CYFIP2: variants seen among roughly 807,000 people sequenced by gnomAD.
CYFIP2 encodes the protein cytoplasmic FMR1 interacting protein 2.
Under a neutral mutation model 158.7 loss-of-function variants are expected in CYFIP2, and 29 were observed. That is an observed-to-expected ratio of 0.18 (90% CI 0.14 to 0.25). The LOEUF is 0.25. Among genes scored for constraint, CYFIP2 ranks in the 10% least tolerant of loss-of-function variants. The pLI is 1.00. For synonymous variants in CYFIP2, 585 were observed against 617.6 expected, an observed-to-expected ratio of 0.95 and a Z score of 0.78; for missense variants, 852 against 1,639.5, an observed-to-expected ratio of 0.52 and a Z score of 8.29.
chr5:157,384,505 G>A (rs532999634), intron 28 of CYFIP2: 6 of 456,492 alleles, frequency 1.3e-5, no homozygotes, highest in South Asian at 9.3e-5. Flanking sequence ...GAGGACAGAA[G>A]GTGGCCTCTC....
chr5:157,346,920 C>T (rs925887240), intron 23 of CYFIP2, among the ~76,000 whole-genome samples: 1 of 152,190 alleles, frequency 6.6e-6, no homozygotes. Context: ...TCATAAAGGG[C>T]CGTCTGGCTT....
chr5:157,311,913 C>T lies in CYFIP2; in HGVS notation c.1110+132C>T. On this transcript the variant is annotated intron_variant, in intron 11 of 30. Coordinates refer to ENST00000620254, the MANE Select transcript of CYFIP2 (RefSeq NM_001037333.3). The surrounding 1 kb of genome is among the most constrained non-coding windows in gnomAD (Gnocchi z 4.7). ...GAGGGAGGCAGGAGGGTAAAGTGGC[C>T]AACAGCAGGGGTTTTGGAGCCAGGC... The T allele has an allele frequency of 1.2e-6, 1 of 807,116 alleles. No individual in the cohort carries two copies. The highest frequency in any genetic ancestry group is 2.7e-5 in the East Asian group (1 of 36,620). The allele number at this position is 807,116 out of a possible 1,614,324, so 50.0% of individuals were successfully genotyped here.
At chr5:157,282,896 T>C (rs1252197230) in intron 1 of CYFIP2, among the ~76,000 whole-genome samples, 1 of 152,242 alleles carries the variant, frequency 6.6e-6, no homozygotes, top group Non-Finnish European at 1.5e-5. Flanking sequence ...CCTGGTCCCC[T>C]GGTTGGAACC....
intron 23 of CYFIP2, among the ~76,000 whole-genome samples, chr5:157,354,529 C>G (rs376649846): frequency 1.3e-5 from 2 of 151,458 alleles, no homozygotes; most frequent in African/African-American, 2.4e-5. Flanking sequence ...TTTCAGCATG[C>G]GTGTGCATTT....
At chr5:157,343,604 T>C in intron 23 of CYFIP2, 1 of 1,310,242 alleles carries the variant, frequency 7.6e-7, no homozygotes, top group Non-Finnish European at 1.0e-6. Context: ...TTTATCATAA[T>C]CATAGCCACC....
At chr5:157,392,487 C>A (rs1269529772) in intron 30 of CYFIP2, among the ~76,000 whole-genome samples, 1 of 152,196 alleles carries the variant, frequency 6.6e-6, no homozygotes, top group East Asian at 1.9e-4. Flanking sequence ...CTGTTTCCCC[C>A]ATTGAACAGT....
At chr5:157,285,633 A>G (rs1011468753) in intron 2 of CYFIP2, among the ~76,000 whole-genome samples, 155 bp downstream of exon 2, 2 of 152,184 alleles carry the variant, frequency 1.3e-5, no homozygotes, top group Non-Finnish European at 2.9e-5. Flanking sequence ...AGCCGAGTAT[A>G]AGGAACAGAT....
In CYFIP2 at chr5:157,285,469, C is replaced by G; in HGVS notation, c.108C>G (p.Ile36Met). ...GCATCGAGCCTCCACCTTCCTCCAT[C>G]ATGTACCAGGTAATGGAAATGGTAG... ...QPCIEPPPSS[I>M]MYQANFDTNF... The change falls in exon 2 of 31, where the codon ATC becomes ATG. Residue 36 changes from isoleucine to methionine, a missense_variant. By Grantham distance (10) the Ile-to-Met change is conservative. This residue lies in a region of CYFIP2 where 123 missense variants were observed against 316.7 expected (regional missense o/e 0.39). Transcript: ENST00000620254. The G allele has an allele frequency of 6.4e-7, 1 of 1,567,948 alleles. No individual in the cohort carries two copies. Among genetic ancestry groups the G allele is most frequent in the Admixed American group, 1.9e-5 (1 of 52,910 alleles).
chr5:157,340,927 C>CTTTA, intron 22 of CYFIP2, 143 bp from the exon 23 acceptor site: 4 of 714,308 alleles, frequency 5.6e-6, no homozygotes, highest in Non-Finnish European at 9.8e-6. Context: ...AGTTTAGTAC[C>CTTTA]TTTATAGTCA....
In CYFIP2 at chr5:157,311,896, C is replaced by T; in HGVS notation, c.1110+115C>T. ...CACTGGAGAGTAGAAGGGAGGGAGG[C>T]AGGAGGGTAAAGTGGCCAACAGCAG... On this transcript the variant is annotated intron_variant, in intron 11 of 30. Transcript: ENST00000620254. The surrounding 1 kb of genome is among the most constrained non-coding windows in gnomAD (Gnocchi z 4.7). 1.1e-5 allele frequency: 11 copies of T among 1,007,068 alleles called. No individual in the cohort carries two copies. The South Asian group carries it at 1.5e-4, about 13-fold the overall frequency. 62.4% of individuals were successfully genotyped at this position (1,007,068 alleles called of 1,614,324 possible).
intron 23 of CYFIP2, chr5:157,343,623 C>T: frequency 8.7e-7 from 1 of 1,147,142 alleles, no homozygotes; most frequent in Non-Finnish European, 1.2e-6. Context: ...CCATTTATTG[C>T]ACATTTGAGA....
chr5:157,289,554 A>T (rs1470653305), intron 3 of CYFIP2, among the ~76,000 whole-genome samples: 2 of 152,092 alleles, frequency 1.3e-5, no homozygotes, highest in Non-Finnish European at 2.9e-5. Context: ...TTCTCTCTGC[A>T]TCCTCACATG....
rs1011457685 is a variant in CYFIP2, at chr5:157,326,381, A to T, written c.2079+114A>T. 6.7e-5 allele frequency: 60 copies of T among 896,734 alleles called. No homozygotes were observed. The African/African-American group carries it at 9.8e-4, about 15-fold the overall frequency. The allele number at this position is 896,734 out of a possible 1,614,324, so 55.5% of individuals were successfully genotyped here. A position where few individuals can be genotyped will look rare whatever the true frequency, so the allele number is the denominator to read the frequency against. ...TATCAGTGACTTGTTCTGGAGAGGAATCTCTGTAACCATGGCCATCAGAAG... is the reference window on the plus strand; with the variant it reads ...TATCAGTGACTTGTTCTGGAGAGGATTCTCTGTAACCATGGCCATCAGAAG... On this transcript the variant is annotated intron_variant, in intron 18 of 30. Coordinates refer to ENST00000620254, the MANE Select transcript of CYFIP2 (RefSeq NM_001037333.3).
intron 25 of CYFIP2, 104 bp downstream of exon 25, chr5:157,360,476 G>T: frequency 6.8e-6 from 6 of 884,110 alleles, no homozygotes; most frequent in South Asian, 1.7e-5. Flanking sequence ...TGAGCTGGCA[G>T]AGTACTGGCT....
At chr5:157,338,914 GTAAGGGTCC>G in intron 21 of CYFIP2, 134 bp from the exon 22 acceptor site, 1 of 719,746 alleles carries the variant, frequency 1.4e-6, no homozygotes, top group Admixed American at 2.9e-5. Flanking sequence ...ACCTGCTACT[GTAAGGGTCC>G]TAGTTCCCAT....
intron 26 of CYFIP2, chr5:157,364,441 G>C (rs1220727056): frequency 2.6e-5 from 4 of 152,212 alleles, no homozygotes; most frequent in African/African-American, 9.7e-5. Flanking sequence ...GCTGAGACCT[G>C]AGACAGACCC....
intron 26 of CYFIP2, among the ~76,000 whole-genome samples, chr5:157,378,644 C>A (rs568252816): frequency 1.2e-4 from 18 of 152,116 alleles, no homozygotes; most frequent in African/African-American, 1.7e-4. Flanking sequence ...CATCTGTGTG[C>A]GGACCTAGTT....
rs558445018 is a variant in CYFIP2 at position 157,266,468 on chromosome 5, A to T, written c.-24+273A>T. 9 of 152,170 alleles carry T rather than the reference A, an allele frequency of 5.9e-5. No homozygotes were observed. Among genetic ancestry groups the T allele is most frequent in the African/African-American group, 1.9e-4 (8 of 41,502 alleles). 9.4% of individuals were successfully genotyped at this position (152,170 alleles called of 1,614,324 possible). On this transcript the variant is annotated intron_variant, in intron 1 of 30. Transcript: ENST00000620254. This position sits in a 1 kb window ranked among gnomAD's most constrained non-coding sequence, Gnocchi z 4.2. Reference sequence around the variant, plus strand: ...GGCGCGGCGGCGGGGGAGCCGCAGCAGCAGGTGCGCGGCCTGGGCCGGAGC... The same window carrying T: ...GGCGCGGCGGCGGGGGAGCCGCAGCTGCAGGTGCGCGGCCTGGGCCGGAGC...
chr5:157,269,984 G>C (rs1755948966), intron 1 of CYFIP2, among the ~76,000 whole-genome samples: 1 of 152,238 alleles, frequency 6.6e-6, no homozygotes, highest in African/African-American at 2.4e-5. Flanking sequence ...CCTGGCAACA[G>C]AGGGTGCAAA....
Sources: allele counts gnomAD v4.1 joint callset (sites outside exome capture counted in the v4.1 genomes callset), GRCh38; gene constraint gnomAD v4.1.1; regional missense constraint gnomAD v4.1.1; non-coding constraint Gnocchi (gnomAD v3.1); transcripts MANE v1.5; gene names NCBI Gene and HGNC (gene_info 2026-07-23, HGNC 2026-07-21).